The following KAZN variants were observed in gnomAD, a reference collection of about 807,000 sequenced individuals.
KAZN encodes the protein kazrin.
A neutral mutation model predicts 87.4 loss-of-function variants in KAZN; 40 were observed. That is an observed-to-expected ratio of 0.46 (90% confidence interval 0.36 to 0.60). The LOEUF is 0.60. KAZN is among the 20% of genes least tolerant of loss of function. The probability of loss-of-function intolerance (pLI) is 0.00; values close to 1 mark genes in which losing one functional copy is unlikely to be tolerated. For missense variants in KAZN, 898 were observed against 1,073.9 expected, an observed-to-expected ratio of 0.84 and a Z score of 2.29; for synonymous variants, 466 against 458.3, an observed-to-expected ratio of 1.02 and a Z score of -0.22.
At chr1:14,253,899 A>G (rs998410556) in intron 2 of KAZN, among the ~76,000 whole-genome samples, 22 of 139,418 alleles carry the variant, frequency 1.6e-4, no homozygotes, top group Admixed American at 1.2e-3. Context: ...ATGCTTAACA[A>G]ATATTTAATG....
At chr1:15,051,004 A>G (rs1674342679) in intron 4 of KAZN, among the ~76,000 whole-genome samples, 1 of 152,188 alleles carries the variant, frequency 6.6e-6, no homozygotes, top group Admixed American at 6.5e-5. Flanking sequence ...GCTGTGCCAC[A>G]GAGTGTGTTT....
intron 2 of KAZN, among the ~76,000 whole-genome samples, chr1:14,215,976 C>T (rs1231268764): frequency 6.6e-6 from 1 of 152,072 alleles, no homozygotes; most frequent in Admixed American, 6.6e-5. Flanking sequence ...ATATCAATAA[C>T]ATACAAAAAT....
chr1:14,293,957 T>C lies in KAZN; in HGVS notation c.249+113365T>C, dbSNP rs560420415. Among the ~76,000 whole-genome samples, 82 of 152,254 alleles carry C rather than the reference T, an allele frequency of 5.4e-4. 1 individual carries two copies. Among genetic ancestry groups the C allele is most frequent in the African/African-American group, 1.9e-3 (80 of 41,556 alleles). ...CAGACCCATAAAATCACAATAGAAG[T>C]TAACCCCATGCATACTCACTCTGCC... On this transcript the variant is annotated intron_variant, in intron 2 of 16. Coordinates refer to the KAZN transcript ENST00000636203.
At chr1:14,819,802 G>C (rs1401455543) in intron 1 of KAZN, among the ~76,000 whole-genome samples, 1 of 150,100 alleles carries the variant, frequency 6.7e-6, no homozygotes, top group African/African-American at 2.5e-5. Context: ...CCGTCTCCTG[G>C]GTTCAAGCAA....
intron 1 of KAZN, among the ~76,000 whole-genome samples, chr1:14,741,095 C>T (rs1644084805): frequency 6.6e-6 from 1 of 152,214 alleles, no homozygotes; most frequent in Non-Finnish European, 1.5e-5. Context: ...GTCCTGTGTG[C>T]TGACCAAGCA....
intron 2 of KAZN, among the ~76,000 whole-genome samples, chr1:14,575,809 T>A (rs941102019): frequency 2.0e-5 from 3 of 152,154 alleles, no homozygotes; most frequent in African/African-American, 7.2e-5. Flanking sequence ...CACTAAATAA[T>A]TGTCTATGAC....
chr1:14,790,486 C>T (rs1176107592), intron 1 of KAZN, among the ~76,000 whole-genome samples: 6 of 152,062 alleles, frequency 3.9e-5, no homozygotes, highest in African/African-American at 7.2e-5. Context: ...TACAATTCAG[C>T]GATTTTTAGT....
chr1:14,350,091 G>A (rs1278204994), intron 2 of KAZN, among the ~76,000 whole-genome samples: 1 of 141,180 alleles, frequency 7.1e-6, no homozygotes. Context: ...CTGAGATCGC[G>A]CCACTGCACT....
At chr1:14,475,055 G>A (rs964359536) in intron 2 of KAZN, among the ~76,000 whole-genome samples, 1 of 152,072 alleles carries the variant, frequency 6.6e-6, no homozygotes, top group Non-Finnish European at 1.5e-5. Context: ...ATATTGGATG[G>A]ATGGATGGAT....
intron 1 of KAZN, among the ~76,000 whole-genome samples, chr1:14,741,941 T>G (rs1465938604): frequency 6.6e-5 from 10 of 151,864 alleles, no homozygotes; most frequent in African/African-American, 2.2e-4. Context: ...CTCTTGTGGT[T>G]GTTTTTTTTT....
intron 2 of KAZN, among the ~76,000 whole-genome samples, chr1:14,983,424 C>G (rs994233514): frequency 6.6e-6 from 1 of 152,150 alleles, no homozygotes; most frequent in Non-Finnish European, 1.5e-5. Context: ...GTTGGCAAAA[C>G]CCCTAAAGTA....
intron 1 of KAZN, among the ~76,000 whole-genome samples, chr1:13,920,061 C>G (rs986165176): frequency 6.6e-6 from 1 of 151,974 alleles, no homozygotes; most frequent in South Asian, 2.1e-4. Context: ...ACCAGCCTGG[C>G]CAATATGGCG....
intron 2 of KAZN, among the ~76,000 whole-genome samples, chr1:14,989,729 C>T (rs889008639): frequency 5.3e-5 from 8 of 152,110 alleles, no homozygotes; most frequent in African/African-American, 1.9e-4. Flanking sequence ...GTGAAGTGCT[C>T]GGGATGGTGG....
At chr1:14,614,663 T>C (rs925891419) in intron 1 of KAZN, among the ~76,000 whole-genome samples, 4 of 152,246 alleles carry the variant, frequency 2.6e-5, no homozygotes, top group Admixed American at 1.3e-4. Flanking sequence ...GGTGTTTTGC[T>C]TTCAAGATTG....
At chr1:14,399,305 C>A (rs1663179217) in intron 2 of KAZN, among the ~76,000 whole-genome samples, 1 of 152,100 alleles carries the variant, frequency 6.6e-6, no homozygotes. Context: ...GCATGGGCCA[C>A]CGCACTCAAC....
At chr1:14,258,390 A>ATTT (rs760768355) in intron 2 of KAZN, among the ~76,000 whole-genome samples, 4,005 of 125,410 alleles carry the variant, frequency 0.032, 280 homozygotes, top group African/African-American at 0.11. Context: ...TAAATTTTGT[A>ATTT]TTTTTTTTTT....
chr1:14,532,088 A>AT (rs1476985923), intron 2 of KAZN, among the ~76,000 whole-genome samples: 2 of 152,276 alleles, frequency 1.3e-5, no homozygotes, highest in East Asian at 3.9e-4. Flanking sequence ...GATTCCAAGA[A>AT]AGTGGTGCAA....
At chr1:14,618,470 G>A (rs1678430885) in intron 1 of KAZN, among the ~76,000 whole-genome samples, 1 of 152,246 alleles carries the variant, frequency 6.6e-6, no homozygotes, top group Admixed American at 6.5e-5. Flanking sequence ...TCCTGGGGCA[G>A]GGAGAAGACA....
rs571902806 is a variant in KAZN, at chr1:14,212,117, G to A, written c.249+31525G>A. Among the ~76,000 whole-genome samples, 4 of 152,216 alleles carry A rather than the reference G, an allele frequency of 2.6e-5. No individual in the cohort carries two copies. The South Asian group carries it at 8.3e-4, about 32-fold the overall frequency. ...GATAATGTTTGCTGCGAATGTTTTG[G>A]TGAAATCTTTCAAGAACCATGGCCA... On this transcript the variant is annotated intron_variant, in intron 2 of 16. Coordinates refer to the KAZN transcript ENST00000636203.
Sources: gnomAD v4.1 joint callset for allele counts (sites outside exome capture counted in the v4.1 genomes callset) on GRCh38, gnomAD v4.1.1 for gene constraint, MANE v1.5 for transcripts, NCBI Gene and HGNC (gene_info 2026-07-23, HGNC 2026-07-21) for gene names.